ATRNL1: variants seen among roughly 807,000 people sequenced by gnomAD.
ATRNL1 encodes the protein attractin-like protein 1.
A neutral mutation model predicts 182.7 loss-of-function variants in ATRNL1; 95 were observed. The ratio of observed to expected loss-of-function variants is 0.52; its 90% CI spans 0.44 to 0.62. The LOEUF (loss-of-function observed/expected upper bound fraction) is 0.62. ATRNL1 is among the 20% of genes least tolerant of loss of function. The pLI is 0.00. For missense variants in ATRNL1, 1,471 were observed against 1,679.5 expected (o/e 0.88, Z 2.17); for synonymous variants, 576 against 568.3 (o/e 1.01, Z -0.19).
At chr10:115,148,328 T>A (rs1263000290) in intron 5 of ATRNL1, among the ~76,000 whole-genome samples, 5 of 152,170 alleles carry the variant, frequency 3.3e-5, no homozygotes, top group African/African-American at 1.2e-4. Flanking sequence ...TTTATTACAT[T>A]TAAGAGTTTT....
chr10:115,264,781 T>G (rs1554909974), intron 10 of ATRNL1, among the ~76,000 whole-genome samples: 1 of 151,712 alleles, frequency 6.6e-6, no homozygotes, highest in East Asian at 1.9e-4. Flanking sequence ...GAACATTGTA[T>G]CTGCCATTGA....
Position 115,268,390 on chromosome 10 carries a change from G to A in ATRNL1, c.2046G>A (p.Gly682=), listed in dbSNP as rs1554911618. The change falls in exon 13 of 29, where the codon GGG becomes GGA. Residue 682 remains glycine, a synonymous_variant. Transcript: ENST00000355044. ...DCASCTANTN[G]CQWCDDKKCI... is the part of the protein sequence containing the mutation. The stretch of plus-strand genomic sequence containing the variant: ...CCAGCTGTACTGCCAATACAAATGG[G>A]TGCCAATGGTGTGATGACAAGAAAT... 1 of 1,613,748 alleles carries A rather than the reference G, an allele frequency of 6.2e-7. No individual in the cohort carries two copies. Among genetic ancestry groups the A allele is most frequent in the East Asian group, 2.2e-5 (1 of 44,854 alleles).
At position 115,315,669 on chromosome 10, in the gene ATRNL1, G is replaced by A; in HGVS notation, c.2970G>A (p.Glu990=). The A allele has an allele frequency of 6.2e-7, 1 of 1,613,898 alleles. No homozygotes were observed. Among genetic ancestry groups the A allele is most frequent in the Non-Finnish European group, 8.5e-7 (1 of 1,179,936 alleles). The change falls in exon 18 of 29, where the codon GAG becomes GAA. Residue 990 remains glutamate (E), a synonymous_variant. Transcript: ENST00000355044. ...PMKLIGMHHS[E]MVLDTNLCPK... ...AGCTTATTGGAATGCACCACAGTGA[G>A]ATGGTTCTTGACACCAATCTTTGCC...
chr10:115,268,815 A>C (rs1317772688), intron 13 of ATRNL1, among the ~76,000 whole-genome samples: 2 of 152,204 alleles, frequency 1.3e-5, no homozygotes, highest in African/African-American at 4.8e-5. Context: ...GACATGCATT[A>C]GTGGTCGTGT....
At chr10:115,582,669 T>A (rs201181930) in intron 26 of ATRNL1, among the ~76,000 whole-genome samples, 59,681 of 137,460 alleles carry the variant, frequency 0.43, 14,537 homozygotes, top group East Asian at 0.82. Context: ...GAGTAGGTTG[T>A]GAAAATTTTC....
intron 24 of ATRNL1, among the ~76,000 whole-genome samples, chr10:115,496,713 T>A (rs1554978404): frequency 6.6e-6 from 1 of 152,224 alleles, no homozygotes. Flanking sequence ...AATTGCTGAG[T>A]ATCAGCTCCC....
At chr10:115,152,910 A>AT (rs762049119) in intron 5 of ATRNL1, among the ~76,000 whole-genome samples, 16 of 151,452 alleles carry the variant, frequency 1.1e-4, no homozygotes, top group East Asian at 7.7e-4. Context: ...ATTTATTGAG[A>AT]TTTTTTTTAG....
intron 28 of ATRNL1, among the ~76,000 whole-genome samples, chr10:115,941,282 T>A (rs1555124203): frequency 2.0e-5 from 3 of 152,222 alleles, no homozygotes; most frequent in Non-Finnish European, 1.5e-5. Context: ...ACTGAAATAT[T>A]TATGATTTTC....
chr10:115,635,018 A>T (rs183973709), intron 26 of ATRNL1, among the ~76,000 whole-genome samples: 15 of 152,264 alleles, frequency 9.9e-5, no homozygotes, highest in Non-Finnish European at 1.8e-4. Flanking sequence ...TCTCTAAAAG[A>T]TGTTATAAAT....
chr10:115,352,073 G>T (rs578187261), intron 19 of ATRNL1, among the ~76,000 whole-genome samples: 13 of 152,032 alleles, frequency 8.6e-5, no homozygotes, highest in Admixed American at 8.5e-4. Flanking sequence ...ATTTATACTT[G>T]TCTCCCAGGC....
intron 26 of ATRNL1, among the ~76,000 whole-genome samples, chr10:115,554,789 A>T (rs1290744264): frequency 6.6e-6 from 1 of 151,678 alleles, no homozygotes; most frequent in Non-Finnish European, 1.5e-5. Context: ...ATTTCAAAAA[A>T]ACCCCTAAAC....
chr10:115,674,274 G>A (rs1555042274), intron 26 of ATRNL1, among the ~76,000 whole-genome samples: 1 of 152,022 alleles, frequency 6.6e-6, no homozygotes, highest in Admixed American at 6.6e-5. Flanking sequence ...AGAAGATCAG[G>A]TATGAATAAA....
In ATRNL1 at chr10:115,467,243, G is replaced by T. The variant is rs74435812; in HGVS notation, c.3487G>T (p.Gly1163Cys). Reference sequence around the variant, plus strand: ...TAATCTCAACATTACGTGGTCTGTCGGTTCAACAGGTAAAAAAATGTTGAT... The same window carrying T: ...TAATCTCAACATTACGTGGTCTGTCTGTTCAACAGGTAAAAAAATGTTGAT... ...NFNLNITWSV[G>C]STAGTISGEE... The change falls in exon 23 of 29, where the codon GGT becomes TGT. Residue 1163 changes from glycine to cysteine, a missense_variant. Around this residue, in one of 3 missense-constraint regions of ATRNL1, gnomAD observed 437 missense variants for 506.0 expected, o/e 0.86. Coordinates refer to ENST00000355044, the MANE Select transcript of ATRNL1 (RefSeq NM_207303.4). 1 of 1,597,074 alleles carries T rather than the reference G, an allele frequency of 6.3e-7. No homozygotes were observed. The highest frequency in any genetic ancestry group is 8.6e-7 in the Non-Finnish European group (1 of 1,169,360).
At chr10:115,534,211 G>T (rs1851802231) in intron 25 of ATRNL1, among the ~76,000 whole-genome samples, 1 of 151,346 alleles carries the variant, frequency 6.6e-6, no homozygotes, top group South Asian at 2.1e-4. Context: ...GGGTGTTAAA[G>T]TCTCCCATTA....
chr10:115,854,985 C>T (rs782283689), intron 28 of ATRNL1, among the ~76,000 whole-genome samples: 16 of 152,092 alleles, frequency 1.1e-4, no homozygotes, highest in Non-Finnish European at 1.8e-4. Flanking sequence ...TAGGTCCAGA[C>T]GTTTACTCTG....
chr10:115,261,057 G>A (rs939082139), intron 10 of ATRNL1, among the ~76,000 whole-genome samples: 4 of 151,876 alleles, frequency 2.6e-5, no homozygotes, highest in Admixed American at 2.6e-4. Context: ...TCACAGCAAA[G>A]CTCATTACAA....
intron 27 of ATRNL1, among the ~76,000 whole-genome samples, chr10:115,783,694 G>T (rs1207788335): frequency 6.6e-6 from 1 of 152,076 alleles, no homozygotes; most frequent in African/African-American, 2.4e-5. Flanking sequence ...GAATTATTTA[G>T]CTCAGATAGT....
chr10:115,512,312 A>G (rs1478322153), intron 24 of ATRNL1, among the ~76,000 whole-genome samples: 3 of 151,994 alleles, frequency 2.0e-5, no homozygotes, highest in Non-Finnish European at 2.9e-5. Context: ...CTAAATAATC[A>G]TTCTTTTAAG....
intron 3 of ATRNL1, among the ~76,000 whole-genome samples, chr10:115,126,247 A>G (rs1844970852): frequency 6.6e-6 from 1 of 152,110 alleles, no homozygotes; most frequent in South Asian, 2.1e-4. Flanking sequence ...TTTAGTAGAA[A>G]TGGGGTTTCA....
Sources: gnomAD v4.1 joint callset for allele counts (sites outside exome capture counted in the v4.1 genomes callset) on GRCh38, gnomAD v4.1.1 for gene constraint, gnomAD v4.1.1 regional missense constraint, MANE v1.5 for transcripts, NCBI Gene and HGNC (gene_info 2026-07-23, HGNC 2026-07-21) for gene names.